The following CORO2A variants were observed in gnomAD, a reference collection of about 807,000 sequenced individuals.
The protein encoded by CORO2A is coronin 2A.
In CORO2A, 47 loss-of-function variants were observed where a neutral mutation model predicts 62.4. The observed-to-expected ratio is 0.75, with a 90% CI of 0.60 to 0.96. The LOEUF (loss-of-function observed/expected upper bound fraction) is 0.96. Ranked by LOEUF, CORO2A falls within the 40% of genes least tolerant of loss-of-function variation. The pLI, the probability that CORO2A is intolerant of heterozygous loss-of-function variation, is 0.00. For synonymous variants in CORO2A, 273 were observed against 268.9 expected (o/e 1.02, Z -0.15); for missense variants, 610 against 684.1 (o/e 0.89, Z 1.21).
At chr9:98,142,266 C>T (rs1827579001) in intron 2 of CORO2A, among the ~76,000 whole-genome samples, 1 of 152,200 alleles carries the variant, frequency 6.6e-6, no homozygotes, top group South Asian at 2.1e-4. Context: ...TTGGGGAAAT[C>T]CAGCATGGAG....
At chr9:98,152,242 C>T (rs1031636566) in intron 2 of CORO2A, among the ~76,000 whole-genome samples, 3 of 150,354 alleles carry the variant, frequency 2.0e-5, no homozygotes, top group Non-Finnish European at 4.4e-5. Context: ...TTACATTTTT[C>T]TAGTCTTACT....
intron 1 of CORO2A, among the ~76,000 whole-genome samples, chr9:98,160,674 C>T (rs540375542): frequency 4.6e-5 from 7 of 152,280 alleles, no homozygotes; most frequent in Middle Eastern, 6.8e-3. Context: ...CAGCAGGCTC[C>T]GCTCCAGGCC....
At chr9:98,146,681 C>T (rs965187453) in intron 2 of CORO2A, among the ~76,000 whole-genome samples, 5 of 152,204 alleles carry the variant, frequency 3.3e-5, no homozygotes, top group Non-Finnish European at 2.9e-5. Context: ...ACCTCAGGGG[C>T]CTCATGTCAG....
intron 1 of CORO2A, among the ~76,000 whole-genome samples, chr9:98,174,160 C>T (rs945494104): frequency 4.4e-5 from 6 of 135,402 alleles, no homozygotes; most frequent in Admixed American, 3.4e-4. Flanking sequence ...AACCAAAGAG[C>T]GTGTAGCCCT....
In CORO2A at chr9:98,132,196, A is replaced by G. The variant is rs746516797; in HGVS notation, c.754T>C (p.Leu252=). 6.2e-7 allele frequency: 1 copy of G among 1,613,846 alleles called. No individual in the cohort carries two copies. Residue 252 remains leucine (L), a synonymous_variant, in exon 6 of 12, where the codon TTG becomes CTG. Coordinates refer to ENST00000375077, the MANE Select transcript of CORO2A (RefSeq NM_052820.4). The stretch of plus-strand genomic sequence containing the variant: ...GGTGCAGCCCTCACCTGGTCCCACA[A>G]GGCCACCTGCCGGTTGTTCCATCGG... ...TSRWNNRQVA[L]WDQDNLSVPL...
intron 1 of CORO2A, among the ~76,000 whole-genome samples, chr9:98,168,133 T>C (rs72603682): frequency 0.11 from 16,860 of 152,242 alleles, 984 homozygotes; most frequent in Middle Eastern, 0.14. Flanking sequence ...AAATAAAGTG[T>C]AAAATCCAGC....
intron 2 of CORO2A, among the ~76,000 whole-genome samples, chr9:98,144,003 A>T (rs1372661704): frequency 6.6e-6 from 1 of 152,184 alleles, no homozygotes; most frequent in African/African-American, 2.4e-5. Context: ...CAGGAGTTCA[A>T]GAGCAGCCTG....
intron 5 of CORO2A, among the ~76,000 whole-genome samples, chr9:98,132,635 A>G (rs1827425007): frequency 6.6e-6 from 1 of 152,172 alleles, no homozygotes; most frequent in African/African-American, 2.4e-5. Context: ...CTTGGAGAGG[A>G]AGGACTAACA....
chr9:98,125,572 AC>A (rs1279529308), intron 11 of CORO2A, among the ~76,000 whole-genome samples: 1 of 152,064 alleles, frequency 6.6e-6, no homozygotes, highest in African/African-American at 2.4e-5. Context: ...CAAAGTGCCT[AC>A]CCCAGGATCT....
chr9:98,125,969 T>C (rs148920033), intron 11 of CORO2A, among the ~76,000 whole-genome samples: 1,590 of 151,870 alleles, frequency 0.01, 21 homozygotes, highest in African/African-American at 0.036. Flanking sequence ...CCACCCGCCT[T>C]GGCCTACCAA....
intron 1 of CORO2A, among the ~76,000 whole-genome samples, chr9:98,177,574 C>A (rs1828125344): frequency 6.8e-6 from 1 of 147,240 alleles, no homozygotes; most frequent in African/African-American, 2.5e-5. Flanking sequence ...TCAAGCGATT[C>A]TCCTGCTTCA....
chr9:98,183,390 T>A (rs1431607175), intron 1 of CORO2A, among the ~76,000 whole-genome samples: 1 of 152,164 alleles, frequency 6.6e-6, no homozygotes, highest in Non-Finnish European at 1.5e-5. Flanking sequence ...TGGACTCTGC[T>A]CCCAACTGTT....
At chr9:98,180,522 C>T (rs2066488331) in intron 1 of CORO2A, among the ~76,000 whole-genome samples, 1 of 152,158 alleles carries the variant, frequency 6.6e-6, no homozygotes, top group South Asian at 2.1e-4. Context: ...AGACAAGTCC[C>T]ATGGCCTCTC....
chr9:98,178,545 A>G (rs187432978), intron 1 of CORO2A, among the ~76,000 whole-genome samples: 18 of 152,334 alleles, frequency 1.2e-4, no homozygotes, highest in African/African-American at 4.3e-4. Flanking sequence ...AGGTTAATTA[A>G]TTGGGATAAC....
intron 1 of CORO2A, among the ~76,000 whole-genome samples, chr9:98,189,074 G>A (rs1222343194): frequency 6.6e-6 from 1 of 152,142 alleles, no homozygotes; most frequent in Non-Finnish European, 1.5e-5. Flanking sequence ...ATAGTAAGGA[G>A]CACACCGCTC....
At chr9:98,152,135 T>TTTTG (rs1554744741) in intron 2 of CORO2A, among the ~76,000 whole-genome samples, 10 of 151,162 alleles carry the variant, frequency 6.6e-5, no homozygotes, top group East Asian at 1.9e-4. Flanking sequence ...TGTTTTTTTT[T>TTTTG]TTTGTTTTTT....
intron 2 of CORO2A, among the ~76,000 whole-genome samples, chr9:98,138,203 T>G (rs1337472579): frequency 3.3e-5 from 5 of 152,016 alleles, no homozygotes; most frequent in Admixed American, 1.3e-4. Context: ...TCACCTGAGG[T>G]CAGGAGTTCG....
intron 1 of CORO2A, among the ~76,000 whole-genome samples, chr9:98,185,956 T>C (rs2118942992): frequency 6.6e-6 from 1 of 152,292 alleles, no homozygotes. Flanking sequence ...GGACCTGCAG[T>C]GTGGGCAAAG....
At chr9:98,187,298 A>AG (rs1828252294) in intron 1 of CORO2A, among the ~76,000 whole-genome samples, 1 of 149,986 alleles carries the variant, frequency 6.7e-6, no homozygotes, top group Admixed American at 6.6e-5. Flanking sequence ...AAAAAAAAAA[A>AG]AAAAAAAAAA....
Sources: allele counts gnomAD v4.1 joint callset (sites outside exome capture counted in the v4.1 genomes callset), GRCh38; gene constraint gnomAD v4.1.1; transcripts MANE v1.5; gene names NCBI Gene and HGNC (gene_info 2026-07-23, HGNC 2026-07-21).